The following CSMD3 variants were observed in gnomAD, a reference collection of about 807,000 sequenced individuals.
The protein encoded by CSMD3 is CUB and sushi domain-containing protein 3.
In CSMD3, 177 loss-of-function variants were observed where a neutral mutation model predicts 435.2. The ratio of observed to expected loss-of-function variants is 0.41; its 90% CI spans 0.36 to 0.46. The LOEUF (loss-of-function observed/expected upper bound fraction) is 0.46, where lower values mean the gene tolerates loss of function less well. Among genes scored for constraint, CSMD3 ranks in the 20% least tolerant of loss-of-function variants. The pLI, the probability that CSMD3 is intolerant of heterozygous loss-of-function variation, is 0.34. For synonymous variants in CSMD3, 1,656 were observed against 1,520.5 expected, an observed-to-expected ratio of 1.09 and a Z score of -2.07; for missense variants, 4,265 against 4,504.6, an observed-to-expected ratio of 0.95 and a Z score of 1.52.
chr8:113,332,013 T>C (rs1159587775), intron 1 of CSMD3, among the ~76,000 whole-genome samples: 1 of 151,742 alleles, frequency 6.6e-6, no homozygotes, highest in Non-Finnish European at 1.5e-5. Context: ...CAGGATCTTA[T>C]ATAGACATAC....
chr8:112,380,426 G>T lies in CSMD3; in HGVS notation c.6062C>A (p.Thr2021Lys). 6.3e-7 allele frequency: 1 copy of T among 1,595,658 alleles called. No homozygotes were observed. The highest frequency in any genetic ancestry group is 8.6e-7 in the Non-Finnish European group (1 of 1,163,670). ...AAAATTTAGATACAGATTATTAGAC[G>T]TACTATTCAAAAGATGGGGTATTGT... ...GTTIPHLLNS[T>K]SNNLYLNFQS... The change falls in exon 38 of 71, where the codon ACG becomes AAG. Residue 2021 changes from threonine to lysine, a missense_variant. Thr to Lys is a moderately conservative substitution (Grantham distance 78). Transcript: ENST00000297405.
intron 22 of CSMD3, among the ~76,000 whole-genome samples, chr8:112,621,750 T>C (rs1834088495): frequency 6.6e-6 from 1 of 152,184 alleles, no homozygotes; most frequent in African/African-American, 2.4e-5. Flanking sequence ...TTTCTCAACA[T>C]TGCTGAGCCC....
At chr8:113,056,453 C>G (rs1191226512) in intron 5 of CSMD3, among the ~76,000 whole-genome samples, 2 of 152,204 alleles carry the variant, frequency 1.3e-5, no homozygotes, top group East Asian at 3.8e-4. Context: ...ATCTACTTAA[C>G]ATTTTCACCT....
At chr8:113,094,508 A>C (rs921077557) in intron 5 of CSMD3, among the ~76,000 whole-genome samples, 1 of 152,190 alleles carries the variant, frequency 6.6e-6, no homozygotes, top group African/African-American at 2.4e-5. Context: ...TCACAGTATT[A>C]ACTCTGCCAA....
At chr8:113,075,008 G>C (rs1220310329) in intron 5 of CSMD3, among the ~76,000 whole-genome samples, 3 of 151,452 alleles carry the variant, frequency 2.0e-5, no homozygotes, top group Non-Finnish European at 3.0e-5. Context: ...TTTTTTGTAG[G>C]CTTTTGATAA....
At chr8:112,972,891 A>G (rs2084709141) in intron 7 of CSMD3, among the ~76,000 whole-genome samples, 1 of 151,962 alleles carries the variant, frequency 6.6e-6, no homozygotes, top group Non-Finnish European at 1.5e-5. Flanking sequence ...ATGGCAAGTT[A>G]TAAGAGGAAT....
chr8:113,034,684 T>C (rs548840275), intron 5 of CSMD3, among the ~76,000 whole-genome samples: 34 of 152,190 alleles, frequency 2.2e-4, no homozygotes, highest in African/African-American at 8.2e-4. Flanking sequence ...TGTCAACATA[T>C]GTAAATTATA....
At chr8:113,271,244 T>C (rs2093523222) in intron 3 of CSMD3, among the ~76,000 whole-genome samples, 2 of 152,256 alleles carry the variant, frequency 1.3e-5, no homozygotes, top group South Asian at 4.1e-4. Context: ...TGCAGAAATT[T>C]GCTAAGTAAC....
At chr8:113,098,723 T>C (rs753271203) in intron 5 of CSMD3, 33 bp downstream of exon 5, 2 of 1,408,090 alleles carry the variant, frequency 1.4e-6, no homozygotes, top group Non-Finnish European at 2.0e-6. Context: ...TTCAACAACA[T>C]CAATGCAAGG....
intron 13 of CSMD3, among the ~76,000 whole-genome samples, chr8:112,768,946 TC>T (rs2078046193): frequency 6.6e-6 from 1 of 151,960 alleles, no homozygotes; most frequent in Non-Finnish European, 1.5e-5. Flanking sequence ...TGTGGCAACC[TC>T]AATGTTCAGC....
At chr8:112,922,203 T>C (rs1179077516) in intron 9 of CSMD3, among the ~76,000 whole-genome samples, 1 of 152,074 alleles carries the variant, frequency 6.6e-6, no homozygotes, top group African/African-American at 2.4e-5. Flanking sequence ...TTGATTTTCA[T>C]AAGGTGTTTT....
At chr8:113,316,532 T>G (rs2093911206) in intron 1 of CSMD3, among the ~76,000 whole-genome samples, 1 of 142,276 alleles carries the variant, frequency 7.0e-6, no homozygotes, top group South Asian at 2.3e-4. Context: ...AAGCCACTTC[T>G]CTATCAAACA....
rs546618447 is a variant in CSMD3 at position 112,585,600 on chromosome 8, C to T, written c.3885+1466G>A. Among the ~76,000 whole-genome samples, 9 of 151,522 alleles carry T rather than the reference C, an allele frequency of 5.9e-5. No homozygotes were observed. In the South Asian group the frequency reaches 1.7e-3, roughly 28 times the overall value. Reference sequence around the variant, plus strand: ...ATCATTTGTTATCCCAAATAAATTACCCAAATAATACCAGTATAGGAAAGA... The same window carrying T: ...ATCATTTGTTATCCCAAATAAATTATCCAAATAATACCAGTATAGGAAAGA... On this transcript the variant is annotated intron_variant, in intron 23 of 70. Coordinates refer to ENST00000297405, the MANE Select transcript of CSMD3 (RefSeq NM_198123.2).
At chr8:112,868,243 C>G (rs753041227) in intron 10 of CSMD3, among the ~76,000 whole-genome samples, 3 of 151,976 alleles carry the variant, frequency 2.0e-5, no homozygotes, top group Non-Finnish European at 4.4e-5. Flanking sequence ...GATGACAGTG[C>G]CTTCTCCTAG....
chr8:112,378,175 AT>A (rs746458922), intron 38 of CSMD3, among the ~76,000 whole-genome samples: 3 of 149,868 alleles, frequency 2.0e-5, no homozygotes, highest in Non-Finnish European at 4.5e-5. Flanking sequence ...ACAAAAAAAA[AT>A]GTGGAGAAAA....
At position 112,292,699 on chromosome 8, in the gene CSMD3, C is replaced by T. The variant is rs1819887054; in HGVS notation, c.8626G>A (p.Gly2876Ser). Residue 2876 changes from glycine (G) to serine (S), a missense_variant, in exon 55 of 71, where the codon GGT becomes AGT. Around this residue, in one of 3 missense-constraint regions of CSMD3, gnomAD observed 3,255 missense variants for 3,380.2 expected, o/e 0.96. Transcript: ENST00000297405. ...QLPSCVPVSC[G>S]HPGSPIYGRT... Reference sequence around the variant, plus strand: ...CCATAAATTGGACTACCAGGGTGACCACAGCTAACAGCTAATAAGATGTGG... The same window carrying T: ...CCATAAATTGGACTACCAGGGTGACTACAGCTAACAGCTAATAAGATGTGG... The T allele has an allele frequency of 1.2e-6, 2 of 1,613,594 alleles. No homozygotes were observed. Among genetic ancestry groups the T allele is most frequent in the Non-Finnish European group, 1.7e-6 (2 of 1,179,664 alleles).
At chr8:113,166,687 T>C (rs1361105458) in intron 4 of CSMD3, among the ~76,000 whole-genome samples, 2 of 152,168 alleles carry the variant, frequency 1.3e-5, no homozygotes, top group African/African-American at 4.8e-5. Flanking sequence ...TTTAGGGTAA[T>C]GTGAGGCTTA....
At chr8:112,596,425 T>C (rs1831726476) in intron 22 of CSMD3, among the ~76,000 whole-genome samples, 3 of 152,068 alleles carry the variant, frequency 2.0e-5, no homozygotes, top group African/African-American at 2.4e-5. Flanking sequence ...TGGGAGACTT[T>C]AACACCCCAC....
At chr8:112,866,880 A>G (rs951437490) in intron 10 of CSMD3, among the ~76,000 whole-genome samples, 8 of 152,188 alleles carry the variant, frequency 5.3e-5, no homozygotes, top group African/African-American at 1.4e-4. Flanking sequence ...AAAATTAGAT[A>G]TTCTAATAAG....
Sources: gnomAD v4.1 joint callset for allele counts (sites outside exome capture counted in the v4.1 genomes callset) on GRCh38, gnomAD v4.1.1 for gene constraint, gnomAD v4.1.1 regional missense constraint, MANE v1.5 for transcripts, NCBI Gene and HGNC (gene_info 2026-07-23, HGNC 2026-07-21) for gene names.